TVP23A: variants seen among roughly 807,000 people sequenced by gnomAD.
TVP23A encodes trans-golgi network vesicle protein 23 homolog A.
In TVP23A, 21 loss-of-function variants were observed where a neutral mutation model predicts 31.7. The ratio of observed to expected loss-of-function variants is 0.66; its 90% CI spans 0.47 to 0.95. TVP23A has a LOEUF of 0.95. Ranked by LOEUF, TVP23A falls within the 40% of genes least tolerant of loss-of-function variation. The pLI, the probability that TVP23A is intolerant of heterozygous loss-of-function variation, is 0.00. For synonymous variants in TVP23A, 104 were observed against 96.0 expected, an observed-to-expected ratio of 1.08 and a Z score of -0.49; for missense variants, 279 against 255.6, an observed-to-expected ratio of 1.09 and a Z score of -0.62.
chr16:10,797,187 G>GAA (rs745422162), intron 2 of TVP23A, among the ~76,000 whole-genome samples: 1 of 137,712 alleles, frequency 7.3e-6, no homozygotes, highest in Non-Finnish European at 1.6e-5. Flanking sequence ...AGACCCTGTA[G>GAA]AAAAAAAAAA....
At chr16:10,764,659 C>G (rs1248185829), downstream of TVP23A, among the ~76,000 whole-genome samples, 2 of 149,060 alleles carry the variant, frequency 1.3e-5, no homozygotes, top group African/African-American at 2.5e-5. Flanking sequence ...GTATGTCAGT[C>G]TATTGGAGCA....
chr16:10,784,783 G>C (rs780089465), intron 2 of TVP23A, among the ~76,000 whole-genome samples: 26 of 152,174 alleles, frequency 1.7e-4, no homozygotes, highest in Non-Finnish European at 2.9e-4. Flanking sequence ...CTCAAACTTT[G>C]CTACAAAACT....
At chr16:10,775,337 C>A in intron 2 of TVP23A, 1 of 1,322,186 alleles carries the variant, frequency 7.6e-7, no homozygotes, top group Non-Finnish European at 9.7e-7. Context: ...AGTACTTTCC[C>A]GCCACTTGAC....
chr16:10,768,053 T>C lies in TVP23A; in HGVS notation c.*1049A>G. On this transcript the variant is annotated 3_prime_UTR_variant, in exon 8 of 8. Transcript: ENST00000299866. This position sits in a 1 kb window ranked among gnomAD's most constrained non-coding sequence, Gnocchi z 4.3. ...TCAGAGTAAGTATTTCCATGAGTACTAAATGCAGATGCCTGTGGGGCAGGA... is the reference window on the plus strand; with the variant it reads ...TCAGAGTAAGTATTTCCATGAGTACCAAATGCAGATGCCTGTGGGGCAGGA... The C allele has an allele frequency of 6.2e-7, 1 of 1,607,394 alleles. No individual in the cohort carries two copies. The highest frequency in any genetic ancestry group is 8.5e-7 in the Non-Finnish European group (1 of 1,174,080).
intron 2 of TVP23A, among the ~76,000 whole-genome samples, chr16:10,799,910 C>A (rs2033609553): frequency 2.0e-5 from 3 of 151,984 alleles, no homozygotes; most frequent in African/African-American, 7.3e-5. Flanking sequence ...GAGCAGAAAC[C>A]AGCCAGCCAG....
chr16:10,807,598 C>A (rs546675582), intron 2 of TVP23A, among the ~76,000 whole-genome samples: 1 of 152,296 alleles, frequency 6.6e-6, no homozygotes, highest in African/African-American at 2.4e-5. Context: ...TGCTGCCCAG[C>A]ATCCTATGAT....
At chr16:10,793,265 G>A (rs866880324) in intron 2 of TVP23A, among the ~76,000 whole-genome samples, 2 of 152,184 alleles carry the variant, frequency 1.3e-5, no homozygotes, top group Non-Finnish European at 2.9e-5. Context: ...GACACAGCAA[G>A]ACTCTGTCTC....
intron 2 of TVP23A, among the ~76,000 whole-genome samples, chr16:10,797,941 T>C (rs1205643985): frequency 6.6e-6 from 1 of 150,912 alleles, no homozygotes. Flanking sequence ...CTATAGTAAA[T>C]ATTTTTTCTT....
At chr16:10,758,142 G>A (rs1035174156), downstream of TVP23A, 29 of 1,214,666 alleles carry the variant, frequency 2.4e-5, no homozygotes, top group South Asian at 5.6e-5. Context: ...TGTGTGTTCC[G>A]CAGCTGCATC....
rs1265584351 is a variant in TVP23A, at chr16:10,779,052, T to A, written c.90-3956A>T. Among the ~76,000 whole-genome samples, 2 of 152,136 alleles carry A rather than the reference T, an allele frequency of 1.3e-5. No homozygotes were observed. Among genetic ancestry groups the A allele is most frequent in the African/African-American group, 4.8e-5 (2 of 41,442 alleles). On this transcript the variant is annotated intron_variant, in intron 2 of 7. Coordinates refer to ENST00000299866, the MANE Select transcript of TVP23A (RefSeq NM_001079512.4). This position sits in a 1 kb window ranked among gnomAD's most constrained non-coding sequence, Gnocchi z 4.9. ...GTGGAAGTAAATGCATTCGAATAAA[T>A]CCCTTGCCCACCCGCTTCTTTCTTT... is the stretch of plus-strand genomic sequence containing the variant.
chr16:10,818,641 G>A lies in TVP23A; in HGVS notation c.-148C>T, dbSNP rs1018609174. ...GCCTGCGCCCTGTGGGGCAGCCTCA[G>A]CGCAGCTTCTCGGGTGGGGCGGGGC... is the stretch of plus-strand genomic sequence containing the variant. On this transcript the variant is annotated 5_prime_UTR_variant, in exon 1 of 8. Transcript: ENST00000299866. The surrounding 1 kb of genome is among the most constrained non-coding windows in gnomAD (Gnocchi z 4.7). 1.7e-5 allele frequency: 17 copies of A among 1,020,948 alleles called. No individual in the cohort carries two copies. The highest frequency in any genetic ancestry group is 2.3e-5 in the Non-Finnish European group (17 of 746,694). The allele number at this position is 1,020,948 out of a possible 1,614,324, so 63.2% of individuals were successfully genotyped here.
chr16:10,812,355 C>G (rs999332598), intron 2 of TVP23A, among the ~76,000 whole-genome samples: 1 of 152,094 alleles, frequency 6.6e-6, no homozygotes, highest in Non-Finnish European at 1.5e-5. Flanking sequence ...ATGGTAGTTC[C>G]TCAAAAAATT....
At chr16:10,770,383 C>T (rs879269822) in intron 6 of TVP23A, 52 bp from the exon 7 acceptor site, 9 of 1,526,102 alleles carry the variant, frequency 5.9e-6, no homozygotes, top group East Asian at 5.0e-5. Context: ...GCGAGTGGGG[C>T]GATCCTGCTG....
At chr16:10,758,561 G>A (rs185946113), downstream of TVP23A, among the ~76,000 whole-genome samples, 31 of 152,258 alleles carry the variant, frequency 2.0e-4, no homozygotes, top group Admixed American at 1.2e-3. Flanking sequence ...TTAGTCCATG[G>A]ATTAAACAAT....
Position 10,818,483 on chromosome 16 carries a change from A to C in TVP23A, c.9+2T>G. On this transcript the variant is annotated splice_donor_variant, in intron 1 of 7. Coordinates refer to ENST00000299866, the MANE Select transcript of TVP23A (RefSeq NM_001079512.4). LOFTEE classifies it high-confidence loss of function. This position sits in a 1 kb window ranked among gnomAD's most constrained non-coding sequence, Gnocchi z 4.7. Reference sequence around the variant, plus strand: ...CCAGCCCCAGCATCCCCGAGGCCCTACCTGCTTCATCACCCTCCCAGGAGC... The same window carrying C: ...CCAGCCCCAGCATCCCCGAGGCCCTCCCTGCTTCATCACCCTCCCAGGAGC... 6.2e-7 allele frequency: 1 copy of C among 1,604,856 alleles called. No homozygotes were observed. The highest frequency in any genetic ancestry group is 8.5e-7 in the Non-Finnish European group (1 of 1,178,708).
downstream of TVP23A, chr16:10,763,948 G>A (rs1042429951): frequency 1.0e-5 from 2 of 190,536 alleles, no homozygotes; most frequent in Non-Finnish European, 2.2e-5. Flanking sequence ...GCCCAAGGGA[G>A]TATCTCAGCC....
At chr16:10,805,086 G>A (rs1459294238) in intron 2 of TVP23A, among the ~76,000 whole-genome samples, 1 of 151,980 alleles carries the variant, frequency 6.6e-6, no homozygotes, top group African/African-American at 2.4e-5. Context: ...CGCCCAGGCT[G>A]GAGTGCAGTG....
chr16:10,774,598 T>TTC (rs146066049), intron 3 of TVP23A, among the ~76,000 whole-genome samples: 67 of 140,850 alleles, frequency 4.8e-4, no homozygotes, highest in East Asian at 8.1e-4. Flanking sequence ...TTGGCTCTCA[T>TTC]TCTCTCTCTT....
chr16:10,804,618 T>C (rs1387398809), intron 2 of TVP23A, among the ~76,000 whole-genome samples: 2 of 152,160 alleles, frequency 1.3e-5, no homozygotes, highest in African/African-American at 2.4e-5. Context: ...TGGTGGTACA[T>C]GTCTGCAGTC....
Sources: gnomAD v4.1 joint callset for allele counts (sites outside exome capture counted in the v4.1 genomes callset) on GRCh38, gnomAD v4.1.1 for gene constraint, Gnocchi (gnomAD v3.1) non-coding constraint, MANE v1.5 for transcripts, NCBI Gene and HGNC (gene_info 2026-07-23, HGNC 2026-07-21) for gene names.